RSBN1: variants seen among roughly 807,000 people sequenced by gnomAD.
RSBN1 encodes round spermatid basic protein 1.
A neutral mutation model predicts 74.8 loss-of-function variants in RSBN1; 23 were observed. The ratio of observed to expected loss-of-function variants is 0.31; its 90% CI spans 0.22 to 0.44. The LOEUF (loss-of-function observed/expected upper bound fraction) is 0.44, where lower values mean the gene tolerates loss of function less well. RSBN1 is among the 20% of genes least tolerant of loss of function. The pLI, the probability that RSBN1 is intolerant of heterozygous loss-of-function variation, is 1.00. For missense variants in RSBN1, 808 were observed against 1,020.9 expected (o/e 0.79, Z 2.84); for synonymous variants, 407 against 379.6 (o/e 1.07, Z -0.84).
chr1:113,801,254 A>G (rs1469325413), intron 1 of RSBN1, among the ~76,000 whole-genome samples: 1 of 152,174 alleles, frequency 6.6e-6, no homozygotes, highest in African/African-American at 2.4e-5. Context: ...AAGTGCTGGG[A>G]TTACAAGCGT....
At position 113,765,984 on chromosome 1, in the gene RSBN1, A is replaced by G; in HGVS notation, c.2405T>C (p.Val802Ala). Reference protein sequence around the residue: ...HNLQEHSTTSV With the variant: ...HNLQEHSTTSA Reference sequence around the variant, plus strand: ...ATGTGTTTGAATATGTACATATCACACAGAAGTGGTTGAATGTTCTTGCAG... The same window carrying G: ...ATGTGTTTGAATATGTACATATCACGCAGAAGTGGTTGAATGTTCTTGCAG... The change falls in exon 7 of 7, where the codon GTG (valine) becomes GCG (alanine). Residue 802 changes from valine (V) to alanine (A), a missense_variant. Coordinates refer to ENST00000261441, the MANE Select transcript of RSBN1 (RefSeq NM_018364.5). 2 of 1,610,586 alleles carry G rather than the reference A, an allele frequency of 1.2e-6. No individual in the cohort carries two copies. The highest frequency in any genetic ancestry group is 1.7e-6 in the Non-Finnish European group (2 of 1,177,068).
chr1:113,768,637 T>C (rs1034646900), intron 4 of RSBN1, among the ~76,000 whole-genome samples: 1 of 152,170 alleles, frequency 6.6e-6, no homozygotes, highest in African/African-American at 2.4e-5. Flanking sequence ...TAGGCTCAAA[T>C]GTAGTGCTTC....
Position 113,761,856 on chromosome 1 carries a change from A to G in RSBN1, c.*4124T>C, listed in dbSNP as rs1659684189. 1 of 152,542 alleles carries G rather than the reference A, an allele frequency of 6.6e-6. No homozygotes were observed. Among genetic ancestry groups the G allele is most frequent in the Non-Finnish European group, 1.5e-5 (1 of 67,982 alleles). 9.4% of individuals were successfully genotyped at this position (152,542 alleles called of 1,614,324 possible). A position where few individuals can be genotyped will look rare whatever the true frequency, so the allele number is the denominator to read the frequency against. ...GTAAAGGACAAATCAGACTTTTTTT[A>G]TTAAAAAAATACTTTACAGGAAAAA... On this transcript the variant is annotated 3_prime_UTR_variant, in exon 7 of 7. Transcript: ENST00000261441.
At position 113,765,689 on chromosome 1, in the gene RSBN1, C is replaced by T; in HGVS notation, c.*291G>A. Reference sequence around the variant, plus strand: ...TTTACCAAACAAGAATCTGTTATTCCAGAGAATTCTCATTTTGATTTGAAG... The same window carrying T: ...TTTACCAAACAAGAATCTGTTATTCTAGAGAATTCTCATTTTGATTTGAAG... On this transcript the variant is annotated 3_prime_UTR_variant, in exon 7 of 7. Transcript: ENST00000261441. 3.6e-6 allele frequency: 1 copy of T among 278,626 alleles called. No homozygotes were observed. Among genetic ancestry groups the T allele is most frequent in the East Asian group, 6.1e-5 (1 of 16,384 alleles). The allele number at this position is 278,626 out of a possible 1,614,324, so 17.3% of individuals were successfully genotyped here.
chr1:113,779,560 G>A (rs1660095338), intron 2 of RSBN1, among the ~76,000 whole-genome samples: 1 of 152,152 alleles, frequency 6.6e-6, no homozygotes, highest in Non-Finnish European at 1.5e-5. Flanking sequence ...AGCCAGGGGT[G>A]GCAGCATGGA....
At chr1:113,802,334 A>G (rs1384717139) in intron 1 of RSBN1, among the ~76,000 whole-genome samples, 1 of 151,918 alleles carries the variant, frequency 6.6e-6, no homozygotes, top group African/African-American at 2.4e-5. Context: ...AAAAGGTAGT[A>G]TCTTCAGTTC....
At chr1:113,789,832 T>G (rs1392385640) in intron 2 of RSBN1, among the ~76,000 whole-genome samples, 1 of 152,234 alleles carries the variant, frequency 6.6e-6, no homozygotes, top group East Asian at 1.9e-4. Context: ...GTGATACAGC[T>G]GCCCAACAAA....
At chr1:113,807,319 A>G (rs553242531) in intron 1 of RSBN1, among the ~76,000 whole-genome samples, 282 of 151,922 alleles carry the variant, frequency 1.9e-3, no homozygotes, top group Middle Eastern at 6.8e-3. Context: ...ATCTCAAAAA[A>G]AAAAAAAAAC....
Position 113,797,911 on chromosome 1 carries a change from C to A in RSBN1, c.829G>T (p.Glu277Ter). ...RGRRLKMYNKEVQTVCAGLTR... is the reference protein window; with the variant it reads ...RGRRLKMYNK Reference sequence around the variant, plus strand: ...AGGCCAGCACAGACGGTTTGTACTTCCTTATTGTACATTTTAAGGCGTCTT... The same window carrying A: ...AGGCCAGCACAGACGGTTTGTACTTACTTATTGTACATTTTAAGGCGTCTT... Residue 277 changes from glutamate (E) to a stop codon, truncating the protein, a stop_gained, in exon 2 of 7, where the codon GAA (glutamate) becomes TAA (stop). Coordinates refer to ENST00000261441, the MANE Select transcript of RSBN1 (RefSeq NM_018364.5). LOFTEE classifies it high-confidence loss of function. 1 of 1,613,356 alleles carries A rather than the reference C, an allele frequency of 6.2e-7. No homozygotes were observed. The highest frequency in any genetic ancestry group is 8.5e-7 in the Non-Finnish European group (1 of 1,179,846).
rs1339595725 is a variant in RSBN1 at position 113,768,354 on chromosome 1, G to A, written c.1694C>T (p.Pro565Leu). The change falls in exon 5 of 7, where the codon CCT (proline) becomes CTT (leucine). Residue 565 changes from proline to leucine, a missense_variant. By Grantham distance (98) the Pro-to-Leu change is moderately conservative. This residue lies in a region of RSBN1 where 112 missense variants were observed against 257.3 expected (regional missense o/e 0.44). Coordinates refer to ENST00000261441, the MANE Select transcript of RSBN1 (RefSeq NM_018364.5). Reference protein sequence around the residue: ...MNEIKNLQYLPRTSEPREVLF... With the variant: ...MNEIKNLQYLLRTSEPREVLF... ...AACTTCGCGGGGTTCACTGGTCCGAGGTAGGTACTGGAGATTTTTTATTTC... is the reference window on the plus strand; with the variant it reads ...AACTTCGCGGGGTTCACTGGTCCGAAGTAGGTACTGGAGATTTTTTATTTC... 3 of 1,609,280 alleles carry A rather than the reference G, an allele frequency of 1.9e-6. No individual in the cohort carries two copies. Among genetic ancestry groups the A allele is most frequent in the Admixed American group, 1.7e-5 (1 of 59,264 alleles).
At chr1:113,798,122 C>A (rs1660510655) in intron 1 of RSBN1, 86 bp from the exon 2 acceptor site, 10 of 1,168,172 alleles carry the variant, frequency 8.6e-6, no homozygotes, top group Non-Finnish European at 9.7e-6. Flanking sequence ...CATTAAATAG[C>A]CTATCCTCAA....
chr1:113,805,471 T>C (rs1304016186), intron 1 of RSBN1, among the ~76,000 whole-genome samples: 3 of 152,162 alleles, frequency 2.0e-5, no homozygotes. Flanking sequence ...CTCAAGCTTA[T>C]TCCCTATAAG....
In RSBN1 at chr1:113,797,974, T is replaced by C. The variant is rs770235663; in HGVS notation, c.766A>G (p.Lys256Glu). 1 of 1,612,570 alleles carries C rather than the reference T, an allele frequency of 6.2e-7. No homozygotes were observed. Among genetic ancestry groups the C allele is most frequent in the Non-Finnish European group, 8.5e-7 (1 of 1,179,690 alleles). Reference protein sequence around the residue: ...ADDFVLKKIKKKKKKKHREDM... With the variant: ...ADDFVLKKIKEKKKKKHREDM... The stretch of plus-strand genomic sequence containing the variant: ...TCTCGGTGTTTCTTTTTCTTTTTCT[T>C]CTTTATTTTCTTCAAGACAAAATCA... Residue 256 changes from lysine (K) to glutamate (E), a missense_variant, in exon 2 of 7, where the codon AAG becomes GAG. This residue lies in a region of RSBN1 where 464 missense variants were observed against 401.0 expected (regional missense o/e 1.16). Coordinates refer to ENST00000261441, the MANE Select transcript of RSBN1 (RefSeq NM_018364.5).
Position 113,811,975 on chromosome 1 carries a change from C to A in RSBN1, c.438G>T (p.Pro146=). Residue 146 remains proline, a synonymous_variant, in exon 1 of 7, where the codon CCG becomes CCT. Transcript: ENST00000261441. ...CGGCGGGTGCCAGCGAAGGTGGCGG[C>A]GGAGGCGGCAGGAGAAGAGGCTCAA... ...GPVEPLLLPP[P]PPPSLAPAGP... is the part of the protein sequence containing the mutation. 1 of 1,569,660 alleles carries A rather than the reference C, an allele frequency of 6.4e-7. No homozygotes were observed. The highest frequency in any genetic ancestry group is 8.6e-7 in the Non-Finnish European group (1 of 1,157,402).
Position 113,803,939 on chromosome 1 carries a change from CAAAAAA to C in RSBN1, c.704-5909_704-5904del, listed in dbSNP as rs55787910. ...GCAACACAGCAGGACCCCATTTTTA[CAAAAAA>C]AAAAAAAAAAAAAAAGTTAGCTGGG... On this transcript the variant is annotated intron_variant, in intron 1 of 6. Transcript: ENST00000261441. 4.1e-3 allele frequency among the ~76,000 whole-genome samples: 263 copies of C among 63,488 alleles called. 1 individual carries two copies. Among genetic ancestry groups the C allele is most frequent in the African/African-American group, 0.018 (244 of 13,496 alleles). 41.7% of individuals were successfully genotyped at this position (63,488 alleles called of 152,430 possible).
chr1:113,780,994 C>A (rs1334543452), intron 2 of RSBN1, among the ~76,000 whole-genome samples: 1 of 152,082 alleles, frequency 6.6e-6, no homozygotes, highest in African/African-American at 2.4e-5. Context: ...CAGCTGCTTC[C>A]ATATCTAGTC....
At chr1:113,790,524 A>G (rs1212828871) in intron 2 of RSBN1, among the ~76,000 whole-genome samples, 1 of 152,224 alleles carries the variant, frequency 6.6e-6, no homozygotes, top group Non-Finnish European at 1.5e-5. Flanking sequence ...AAGTTTAAAT[A>G]GTATTTATGA....
intron 2 of RSBN1, among the ~76,000 whole-genome samples, chr1:113,793,611 A>G (rs1378362733): frequency 2.0e-5 from 3 of 151,116 alleles, no homozygotes; most frequent in African/African-American, 7.3e-5. Context: ...AATGGGTTCA[A>G]CTTCTGCATC....
In RSBN1 at chr1:113,765,327, A is replaced by AT. The variant is rs527344410; in HGVS notation, c.*652dup. On this transcript the variant is annotated 3_prime_UTR_variant, in exon 7 of 7. Transcript: ENST00000261441. ...ATGACCAAGGACTATTCATCTTTAG[A>AT]TTTTTTTTTTAATTGAAATATCCAC... 4.9e-4 allele frequency: 74 copies of AT among 150,740 alleles called. No individual in the cohort carries two copies. Among genetic ancestry groups the AT allele is most frequent in the East Asian group, 7.6e-4 (4 of 5,288 alleles). The allele number at this position is 150,740 out of a possible 1,614,324, so 9.3% of individuals were successfully genotyped here.
Sources: allele counts gnomAD v4.1 joint callset (sites outside exome capture counted in the v4.1 genomes callset), GRCh38; gene constraint gnomAD v4.1.1; regional missense constraint gnomAD v4.1.1; transcripts MANE v1.5; gene names NCBI Gene and HGNC (gene_info 2026-07-23, HGNC 2026-07-21).